Variants in PIBF1 observed in about 807,000 individuals in gnomAD.
The protein encoded by PIBF1 is progesterone immunomodulatory binding factor 1.
In PIBF1, 90 loss-of-function variants were observed where a neutral mutation model predicts 112.5. The ratio of observed to expected loss-of-function variants is 0.80; its 90% CI spans 0.67 to 0.95. The LOEUF is 0.95. Among genes scored for constraint, PIBF1 ranks in the 40% least tolerant of loss-of-function variants. The pLI, the probability that PIBF1 is intolerant of heterozygous loss-of-function variation, is 0.00. For missense variants in PIBF1, 915 were observed against 852.3 expected, an observed-to-expected ratio of 1.07 and a Z score of -0.92; for synonymous variants, 301 against 288.6, an observed-to-expected ratio of 1.04 and a Z score of -0.44.
intron 10 of PIBF1, among the ~76,000 whole-genome samples, chr13:72,858,329 G>A (rs915107474): frequency 6.6e-6 from 1 of 152,220 alleles, no homozygotes; most frequent in African/African-American, 2.4e-5. Flanking sequence ...TGGGATTACA[G>A]GCGTGAGCCA....
At position 72,917,936 on chromosome 13, in the gene PIBF1, G is replaced by A. The variant is rs73524244; in HGVS notation, c.1730+770G>A. Among the ~76,000 whole-genome samples the A allele has an allele frequency of 1.9e-3, 284 of 152,280 alleles. 2 individuals carry two copies. Among genetic ancestry groups the A allele is most frequent in the African/African-American group, 6.6e-3 (274 of 41,556 alleles). On this transcript the variant is annotated intron_variant, in intron 13 of 17. Transcript: ENST00000326291. ...TATGTAAGGGACTTGAGCACTCATGGATTTTGGTATCCACAGGAGGTGGAG... is the reference window on the plus strand; with the variant it reads ...TATGTAAGGGACTTGAGCACTCATGAATTTTGGTATCCACAGGAGGTGGAG...
intron 14 of PIBF1, among the ~76,000 whole-genome samples, chr13:72,937,704 A>G (rs147550572): frequency 0.014 from 2,121 of 152,098 alleles, 66 homozygotes; most frequent in African/African-American, 0.049. Flanking sequence ...AATCCCAGCT[A>G]CTCGGGAGGC....
intron 16 of PIBF1, among the ~76,000 whole-genome samples, chr13:72,990,058 A>G (rs1330506774): frequency 6.6e-6 from 1 of 151,490 alleles, no homozygotes; most frequent in Non-Finnish European, 1.5e-5. Context: ...CACTAAAAAT[A>G]TAAAAATTAG....
chr13:72,860,866 A>G (rs890036369), intron 10 of PIBF1, among the ~76,000 whole-genome samples: 8 of 152,172 alleles, frequency 5.3e-5, no homozygotes, highest in African/African-American at 1.9e-4. Context: ...AAGCTCAACA[A>G]TTTGATAAGT....
rs147256579 is a variant in PIBF1 at position 72,991,449 on chromosome 13, TAATG to T, written c.2050-7368_2050-7365del. ...GATGCAATTCTTCATTTGTTAATGT[TAATG>T]AATGGTTCGTTCATTCATATAGTAA... On this transcript the variant is annotated intron_variant, in intron 16 of 17. Transcript: ENST00000326291. Among the ~76,000 whole-genome samples the T allele has an allele frequency of 2.6e-4, 39 of 152,356 alleles. No individual in the cohort carries two copies. The East Asian group carries it at 6.5e-3, about 26-fold the overall frequency.
chr13:72,906,600 T>A (rs1404147869), intron 11 of PIBF1, among the ~76,000 whole-genome samples: 1 of 152,144 alleles, frequency 6.6e-6, no homozygotes, highest in African/African-American at 2.4e-5. Flanking sequence ...AATTCTCTAA[T>A]ATGGGGTACT....
At chr13:73,001,770 T>C (rs1594350846) in intron 17 of PIBF1, among the ~76,000 whole-genome samples, 1 of 151,670 alleles carries the variant, frequency 6.6e-6, no homozygotes, top group East Asian at 1.9e-4. Flanking sequence ...ATTACAGGCA[T>C]GTGCCACAAC....
chr13:73,013,143 T>C (rs1265394949), intron 17 of PIBF1, among the ~76,000 whole-genome samples: 12 of 149,492 alleles, frequency 8.0e-5, no homozygotes, highest in Admixed American at 6.6e-5. Context: ...CTACTAAAAA[T>C]ACAAAAAATT....
At chr13:72,828,082 A>T (rs2138162995) in intron 8 of PIBF1, among the ~76,000 whole-genome samples, 168 bp downstream of exon 8, 1 of 124,640 alleles carries the variant, frequency 8.0e-6, no homozygotes, top group East Asian at 2.9e-4. Flanking sequence ...TTTGATTTTG[A>T]CATTTCTGCT....
chr13:72,899,958 A>G (rs2040422556), intron 11 of PIBF1, among the ~76,000 whole-genome samples: 1 of 152,172 alleles, frequency 6.6e-6, no homozygotes, highest in African/African-American at 2.4e-5. Flanking sequence ...CTATACACCA[A>G]CAGCGACCAG....
intron 14 of PIBF1, among the ~76,000 whole-genome samples, chr13:72,946,262 A>G (rs1204446362): frequency 6.6e-6 from 1 of 152,138 alleles, no homozygotes. Context: ...AAAGCCCCTT[A>G]CAAAAACCAT....
chr13:72,959,910 C>T (rs2042559570), intron 14 of PIBF1, among the ~76,000 whole-genome samples: 1 of 152,108 alleles, frequency 6.6e-6, no homozygotes. Flanking sequence ...AGATTACTAA[C>T]AATAGGCAAT....
chr13:72,848,453 G>A (rs982022823), intron 9 of PIBF1, among the ~76,000 whole-genome samples: 2 of 152,138 alleles, frequency 1.3e-5, no homozygotes, highest in Admixed American at 1.3e-4. Flanking sequence ...AAACTTCTGT[G>A]TATTAAATTA....
At chr13:72,878,248 T>C (rs1049130222) in intron 10 of PIBF1, among the ~76,000 whole-genome samples, 1 of 152,154 alleles carries the variant, frequency 6.6e-6, no homozygotes, top group African/African-American at 2.4e-5. Flanking sequence ...GATAGAAGTT[T>C]AGATGATTGA....
intron 14 of PIBF1, among the ~76,000 whole-genome samples, chr13:72,959,427 G>A (rs972013857): frequency 1.3e-5 from 2 of 152,118 alleles, no homozygotes; most frequent in African/African-American, 4.8e-5. Context: ...GATTAAGCAA[G>A]GATATGTGAC....
intron 9 of PIBF1, among the ~76,000 whole-genome samples, chr13:72,848,491 A>T (rs1361361156): frequency 6.6e-6 from 1 of 152,206 alleles, no homozygotes; most frequent in Admixed American, 6.5e-5. Context: ...ACTATATTGC[A>T]TATGAATTAT....
intron 15 of PIBF1, chr13:72,970,483 A>T (rs921677573): frequency 6.6e-6 from 1 of 152,186 alleles, no homozygotes; most frequent in Admixed American, 6.5e-5. Context: ...CTTCCCTTAC[A>T]AAGCTATCCC....
At chr13:72,792,871 C>G (rs2035006620) in intron 3 of PIBF1, among the ~76,000 whole-genome samples, 1 of 152,160 alleles carries the variant, frequency 6.6e-6, no homozygotes, top group Non-Finnish European at 1.5e-5. Context: ...TTGGACTTTC[C>G]TGGCCTGAAG....
intron 9 of PIBF1, among the ~76,000 whole-genome samples, chr13:72,850,244 A>C (rs1362633737): frequency 6.6e-6 from 1 of 152,202 alleles, no homozygotes; most frequent in Non-Finnish European, 1.5e-5. Flanking sequence ...TCCATTCCCC[A>C]GTTCATTTCT....
Sources: allele counts gnomAD v4.1 joint callset (sites outside exome capture counted in the v4.1 genomes callset), GRCh38; gene constraint gnomAD v4.1.1; transcripts MANE v1.5; gene names NCBI Gene and HGNC (gene_info 2026-07-23, HGNC 2026-07-21).